Variants in PHLDA1 observed in about 807,000 individuals in gnomAD.
PHLDA1 encodes the protein pleckstrin homology like domain family A member 1.
PHLDA1 carries 28 observed loss-of-function variants against 33.8 expected under a neutral mutation model. The ratio of observed to expected loss-of-function variants is 0.83; its 90% CI spans 0.61 to 1.14. PHLDA1 has a LOEUF of 1.14. PHLDA1 is among the 50% of genes most tolerant of loss of function. PHLDA1 has a pLI of 0.00. For missense variants in PHLDA1, 595 were observed against 548.6 expected, an observed-to-expected ratio of 1.08 and a Z score of -0.84; for synonymous variants, 271 against 243.6, an observed-to-expected ratio of 1.11 and a Z score of -1.05.
exon 2 of PHLDA1, chr12:76,028,294 T>C (rs1870820727): frequency 6.6e-6 from 1 of 152,220 alleles, no homozygotes; most frequent in Non-Finnish European, 1.5e-5. Context: ...GAAACAAGTT[T>C]TTAAATGTTG....
chr12:76,027,623 G>C (rs560718561), exon 2 of PHLDA1: 1 of 152,062 alleles, frequency 6.6e-6, no homozygotes, highest in Non-Finnish European at 1.5e-5. Flanking sequence ...TCAGCCGGGC[G>C]TGGTGGCATT....
exon 2 of PHLDA1, chr12:76,028,653 G>C (rs901768391): frequency 2.0e-5 from 3 of 152,752 alleles, no homozygotes; most frequent in Admixed American, 1.3e-4. Context: ...ACAGAAACCA[G>C]TTAGTAAAGC....
Position 76,031,476 on chromosome 12 carries a change from A to AGCGGCG in PHLDA1, c.260_265dup (p.Pro87_Pro88dup). 6.6e-7 allele frequency: 1 copy of AGCGGCG among 1,526,392 alleles called. No homozygotes were observed. The highest frequency in any genetic ancestry group is 2.1e-5 in the Admixed American group (1 of 47,688). The allele number at this position is 1,526,392 out of a possible 1,614,324, so 94.6% of individuals were successfully genotyped here. On this transcript the variant is annotated inframe_insertion, in exon 1 of 2. Coordinates refer to ENST00000266671, the Ensembl canonical transcript of PHLDA1. This position sits in a 1 kb window ranked among gnomAD's most constrained non-coding sequence, Gnocchi z 5.4. ...GAGGAGGCTAACACGCAGGAGGCAG[A>AGCGGCG]GCGGCGGCGGCGGCTCTGGGTCCCG...
chr12:76,031,260 TCGCTG>T lies in PHLDA1; in HGVS notation c.477_481del (p.Ser160ArgfsTer255). 1 of 1,613,894 alleles carries T rather than the reference TCGCTG, an allele frequency of 6.2e-7. No individual in the cohort carries two copies. Among genetic ancestry groups the T allele is most frequent in the Non-Finnish European group, 8.5e-7 (1 of 1,179,920 alleles). On this transcript the variant is annotated frameshift_variant, in exon 1 of 2. Coordinates refer to ENST00000266671, the Ensembl canonical transcript of PHLDA1. LOFTEE classifies it high-confidence loss of function. The surrounding 1 kb of genome is among the most constrained non-coding windows in gnomAD (Gnocchi z 5.4). Reference sequence around the variant, plus strand: ...TTTCTTCCAGAGCTGCAACAACCCGTCGCTGCGCTTCTCCAGCACGCCCTCCTTCA... The same window carrying T: ...TTTCTTCCAGAGCTGCAACAACCCGTCGCTTCTCCAGCACGCCCTCCTTCA...
intron 1 of PHLDA1, 163 bp downstream of exon 1, chr12:76,030,347 T>C: frequency 1.6e-6 from 1 of 634,930 alleles, no homozygotes; most frequent in Non-Finnish European, 2.7e-6. Flanking sequence ...TCTGCCCAGC[T>C]CTCCTGGCCC....
exon 1 of PHLDA1, chr12:76,030,567 C>G: frequency 1.2e-6 from 2 of 1,613,784 alleles, no homozygotes; most frequent in Non-Finnish European, 1.7e-6. Flanking sequence ...GCGGAGAAGC[C>G]GGTGCCCGTG....
In PHLDA1 at chr12:76,031,760, A is replaced by G. The variant is rs1418375515; in HGVS notation, c.-19T>C. On this transcript the variant is annotated 5_prime_UTR_variant, in exon 1 of 2. Coordinates refer to ENST00000266671, the Ensembl canonical transcript of PHLDA1. This position sits in a 1 kb window ranked among gnomAD's most constrained non-coding sequence, Gnocchi z 5.4. The stretch of plus-strand genomic sequence containing the variant: ...GCCTCATTAACTTGGGGCCTTTCCA[A>G]AGCCCGCTGCGTCCACGCCCTCCAG... The G allele has an allele frequency of 8.2e-6, 11 of 1,346,894 alleles. No individual in the cohort carries two copies. The highest frequency in any genetic ancestry group is 9.6e-6 in the Non-Finnish European group (10 of 1,045,696). 83.4% of individuals were successfully genotyped at this position (1,346,894 alleles called of 1,614,324 possible). A position where few individuals can be genotyped will look rare whatever the true frequency, so the allele number is the denominator to read the frequency against.
exon 2 of PHLDA1, chr12:76,026,997 T>C (rs983477807): frequency 5.9e-5 from 9 of 152,262 alleles, no homozygotes; most frequent in African/African-American, 1.9e-4. Context: ...GTATGAGGCT[T>C]GGTGCCAACA....
chr12:76,030,726 G>A (rs1870876399), exon 1 of PHLDA1: 1 of 1,200,304 alleles, frequency 8.3e-7, no homozygotes, highest in Non-Finnish European at 1.2e-6. Flanking sequence ...CTTGGGTTGG[G>A]GCTGAGGCTG....
At position 76,031,333 on chromosome 12, in the gene PHLDA1, AG is replaced by A. The variant is rs1295869136; in HGVS notation, c.408del (p.Ser137LeufsTer15). On this transcript the variant is annotated frameshift_variant, in exon 1 of 2. Transcript: ENST00000266671. LOFTEE classifies it high-confidence loss of function. The surrounding 1 kb of genome is among the most constrained non-coding windows in gnomAD (Gnocchi z 5.4). ...CTCTCCAGCATCCTCCCAGCATAAG[AG>A]GGGCCGCCGCTTGGCTCGGCCTCTC... The A allele has an allele frequency of 3.1e-6, 5 of 1,612,260 alleles. No individual in the cohort carries two copies. Among genetic ancestry groups the A allele is most frequent in the Non-Finnish European group, 4.2e-6 (5 of 1,179,632 alleles).
At chr12:76,028,903 C>G (rs1287225666) in exon 2 of PHLDA1, 1 of 152,546 alleles carries the variant, frequency 6.6e-6, no homozygotes, top group Non-Finnish European at 1.5e-5. Flanking sequence ...TTTATCCAGT[C>G]TTTTCCTTTT....
At position 76,031,638 on chromosome 12, in the gene PHLDA1, C is replaced by A; in HGVS notation, c.104G>T (p.Gly35Val). ...GCGGCGCTTTTGAATGGGCCATCTT[C>A]CCCACCCCCGAGTGACACCCAGCGG... Residue 35 changes from glycine to valine, a missense_variant, in exon 1 of 2, where the codon GGA (glycine) becomes GTA (valine). Around this residue, in one of 3 missense-constraint regions of PHLDA1, gnomAD observed 263 missense variants for 232.3 expected, o/e 1.13. Coordinates refer to ENST00000266671, the Ensembl canonical transcript of PHLDA1. The surrounding 1 kb of genome is among the most constrained non-coding windows in gnomAD (Gnocchi z 5.4). 6.4e-7 allele frequency: 1 copy of A among 1,556,680 alleles called. No homozygotes were observed. The highest frequency in any genetic ancestry group is 2.5e-5 in the East Asian group (1 of 40,340).
chr12:76,031,249 G>A lies in PHLDA1; in HGVS notation c.493C>T (p.Gln165Ter). The A allele has an allele frequency of 1.2e-6, 2 of 1,613,880 alleles. No homozygotes were observed. Among genetic ancestry groups the A allele is most frequent in the Non-Finnish European group, 1.7e-6 (2 of 1,179,906 alleles). The change falls in exon 1 of 2, where the codon CAG becomes TAG. Residue 165 changes from glutamine (Q) to a stop codon, truncating the protein, a stop_gained. Transcript: ENST00000266671. LOFTEE classifies it high-confidence loss of function. This position sits in a 1 kb window ranked among gnomAD's most constrained non-coding sequence, Gnocchi z 5.4. ...ATGCAACACTTTTTCTTCCAGAGCT[G>A]CAACAACCCGTCGCTGCGCTTCTCC...
At position 76,031,348 on chromosome 12, in the gene PHLDA1, G is replaced by A; in HGVS notation, c.394C>T (p.Pro132Ser). 2 of 1,611,790 alleles carry A rather than the reference G, an allele frequency of 1.2e-6. No homozygotes were observed. The highest frequency in any genetic ancestry group is 1.7e-6 in the Non-Finnish European group (2 of 1,179,446). The change falls in exon 1 of 2, where the codon CCA becomes TCA. Residue 132 changes from proline (P) to serine (S), a missense_variant. By Grantham distance (74) the Pro-to-Ser change is moderately conservative. This residue lies in a region of PHLDA1 where 263 missense variants were observed against 232.3 expected (regional missense o/e 1.13). Coordinates refer to ENST00000266671, the Ensembl canonical transcript of PHLDA1. The surrounding 1 kb of genome is among the most constrained non-coding windows in gnomAD (Gnocchi z 5.4). ...CCAGCATAAGAGGGGCCGCCGCTTG[G>A]CTCGGCCTCTCCGTTTCCAGCCGCG...
rs1476615123 is a variant in PHLDA1, at chr12:76,031,695, G to GGA, written c.45_46dup (p.Pro16LeufsTer137). On this transcript the variant is annotated frameshift_variant, in exon 1 of 2. Transcript: ENST00000266671. LOFTEE classifies it high-confidence loss of function. The surrounding 1 kb of genome is among the most constrained non-coding windows in gnomAD (Gnocchi z 5.4). ...CGGCTCCTGGCGCCCGCACCGCGGGGGAAAGCCCAGCTCCAAGAGGCGCTC... is the reference window on the plus strand; with the variant it reads ...CGGCTCCTGGCGCCCGCACCGCGGGGGAGAAAGCCCAGCTCCAAGAGGCGCTC... 1 of 1,449,440 alleles carries GGA rather than the reference G, an allele frequency of 6.9e-7. No individual in the cohort carries two copies. Among genetic ancestry groups the GGA allele is most frequent in the East Asian group, 2.8e-5 (1 of 35,920 alleles). 89.8% of individuals were successfully genotyped at this position (1,449,440 alleles called of 1,614,324 possible).
intron 1 of PHLDA1, 76 bp downstream of exon 1, chr12:76,030,434 T>C: frequency 1.7e-6 from 2 of 1,175,058 alleles, no homozygotes; most frequent in Non-Finnish European, 2.5e-6. Flanking sequence ...GCCGAACCTG[T>C]GAACAAGCTT....
At chr12:76,029,128 T>C (rs1459954270) in exon 2 of PHLDA1, 3 of 152,174 alleles carry the variant, frequency 2.0e-5, no homozygotes, top group Admixed American at 2.0e-4. Flanking sequence ...GATCAGAAAA[T>C]GTGGTTCAAG....
rs549566898 is a variant in PHLDA1, at chr12:76,030,370, G to A, written c.*26+140C>T. The A allele has an allele frequency of 2.8e-5, 19 of 670,300 alleles. No individual in the cohort carries two copies. The South Asian group carries it at 3.6e-4, about 13-fold the overall frequency. 41.5% of individuals were successfully genotyped at this position (670,300 alleles called of 1,614,324 possible). ...GCTCTCCTGGCCCCAGCTTGTTTCT[G>A]TTTCTTCCATTGCCCCAGAAACTTG... On this transcript the variant is annotated intron_variant, in intron 1 of 1. Transcript: ENST00000266671.
exon 2 of PHLDA1, chr12:76,029,359 C>G (rs966838002): frequency 1.4e-4 from 22 of 152,286 alleles, no homozygotes; most frequent in African/African-American, 5.3e-4. Flanking sequence ...TGTGGCCCTA[C>G]CACATATTCA....
Sources: allele counts gnomAD v4.1 joint callset, GRCh38; gene constraint gnomAD v4.1.1; regional missense constraint gnomAD v4.1.1; non-coding constraint Gnocchi (gnomAD v3.1); transcripts MANE v1.5; gene names NCBI Gene and HGNC (gene_info 2026-07-23, HGNC 2026-07-21).